The following GLI4 variants were observed in gnomAD, a reference collection of about 807,000 sequenced individuals.
GLI4 encodes zinc finger protein GLI4.
GLI4 carries 34 observed loss-of-function variants against 30.9 expected under a neutral mutation model. The observed-to-expected ratio is 1.10, with a 90% CI of 0.84 to 1.47. The LOEUF (loss-of-function observed/expected upper bound fraction) is 1.47. Ranked by LOEUF, GLI4 falls within the 40% of genes most tolerant of loss-of-function variation. The probability of loss-of-function intolerance (pLI) is 0.00; values close to 1 mark genes in which losing one functional copy is unlikely to be tolerated. For synonymous variants in GLI4, 277 were observed against 236.7 expected (o/e 1.17, Z -1.56); for missense variants, 696 against 538.9 (o/e 1.29, Z -2.89).
At position 143,276,659 on chromosome 8, in the gene GLI4, G is replaced by T; in HGVS notation, c.986G>T (p.Gly329Val). ...GEKPYECSDC[G>V]KAFRGRSHFF... Reference sequence around the variant, plus strand: ...AAGCCCTACGAGTGCTCCGACTGCGGCAAAGCCTTCCGCGGCCGCTCGCAC... The same window carrying T: ...AAGCCCTACGAGTGCTCCGACTGCGTCAAAGCCTTCCGCGGCCGCTCGCAC... Residue 329 changes from glycine to valine, a missense_variant, in exon 4 of 4, where the codon GGC (glycine) becomes GTC (valine). Transcript: ENST00000340042. The T allele has an allele frequency of 6.2e-7, 1 of 1,612,050 alleles. No individual in the cohort carries two copies. Among genetic ancestry groups the T allele is most frequent in the Non-Finnish European group, 8.5e-7 (1 of 1,179,538 alleles).
chr8:143,274,872 C>CT, intron 3 of GLI4, 70 bp downstream of exon 3: 1 of 1,507,610 alleles, frequency 6.6e-7, no homozygotes, highest in South Asian at 1.2e-5. Context: ...CAATGCCCAC[C>CT]TCTGTGGCAC....
chr8:143,275,777 GC>G, intron 3 of GLI4, 119 bp from the exon 4 acceptor site: 1 of 1,239,806 alleles, frequency 8.1e-7, no homozygotes, highest in Non-Finnish European at 1.0e-6. Context: ...TGGGTGCCTG[GC>G]CCCTCCTTGT....
chr8:143,272,520 T>G lies in GLI4; in HGVS notation c.125-2184T>G, dbSNP rs114331263. 2.9e-3 allele frequency: 444 copies of G among 152,488 alleles called. 2 individuals are homozygous for G. The highest frequency in any genetic ancestry group is 0.01 in the African/African-American group (420 of 41,572). The allele number at this position is 152,488 out of a possible 1,614,324, so 9.4% of individuals were successfully genotyped here. ...TCCAGTTCGGGCCACACTGTCCCTG[T>G]GTCACAGCACAGTGGGAGGGCACTG... On this transcript the variant is annotated intron_variant, in intron 2 of 3. Coordinates refer to ENST00000340042, the MANE Select transcript of GLI4 (RefSeq NM_138465.4).
At chr8:143,267,621 G>A (rs922371076) in intron 1 of GLI4, 137 bp downstream of exon 1, 1 of 985,456 alleles carries the variant, frequency 1.0e-6, no homozygotes, top group Non-Finnish European at 1.2e-6. Flanking sequence ...CCGTGACCTT[G>A]GCCTTGGGCC....
chr8:143,274,964 C>G (rs1420895662), intron 3 of GLI4, 162 bp downstream of exon 3: 1 of 1,481,042 alleles, frequency 6.8e-7, no homozygotes. Context: ...GCCCCTCCCC[C>G]ACTCTAATGC....
intron 2 of GLI4, 108 bp from the exon 3 acceptor site, chr8:143,274,596 G>A: frequency 1.8e-6 from 2 of 1,113,128 alleles, no homozygotes; most frequent in Non-Finnish European, 1.2e-6. Flanking sequence ...GGGAGGGCCA[G>A]GAGGTGTCCT....
intron 3 of GLI4, 60 bp from the exon 4 acceptor site, chr8:143,275,837 C>T (rs768338824): frequency 5.7e-5 from 71 of 1,253,908 alleles, no homozygotes; most frequent in Non-Finnish European, 6.2e-5. Context: ...CCGTCCCCGT[C>T]CCTCCGTGCC....
At chr8:143,271,940 C>T (rs1367377553) in intron 2 of GLI4, among the ~76,000 whole-genome samples, 2 of 152,236 alleles carry the variant, frequency 1.3e-5, no homozygotes, top group East Asian at 3.9e-4. Flanking sequence ...CTGTGGTCCC[C>T]ACGGAGATGC....
intron 3 of GLI4, 166 bp downstream of exon 3, chr8:143,274,968 C>G: frequency 1.3e-6 from 2 of 1,485,788 alleles, no homozygotes; most frequent in Non-Finnish European, 1.8e-6. Context: ...CTCCCCCACT[C>G]TAATGCCAGT....
At chr8:143,267,672 A>G (rs1815167385) in intron 1 of GLI4, 188 bp downstream of exon 1, 1 of 985,092 alleles carries the variant, frequency 1.0e-6, no homozygotes. Context: ...GTCGCGGAGC[A>G]GCAGCGGACC....
At chr8:143,269,712 G>A (rs1255191630) in intron 2 of GLI4, among the ~76,000 whole-genome samples, 192 bp downstream of exon 2, 1 of 152,228 alleles carries the variant, frequency 6.6e-6, no homozygotes. Context: ...TTGGGGCAGC[G>A]GTGGTTGAGG....
At chr8:143,270,770 A>ACC (rs138650482) in intron 2 of GLI4, among the ~76,000 whole-genome samples, 7 of 151,824 alleles carry the variant, frequency 4.6e-5, no homozygotes, top group African/African-American at 1.7e-4. Flanking sequence ...ATGCCCTGGC[A>ACC]CCCCCCCAGG....
intron 1 of GLI4, among the ~76,000 whole-genome samples, chr8:143,268,292 T>G (rs1815185047): frequency 6.6e-6 from 1 of 152,212 alleles, no homozygotes; most frequent in South Asian, 2.1e-4. Context: ...TGTTCTTAGA[T>G]CTGAGTATCC....
chr8:143,269,419 A>AGGAG lies in GLI4; in HGVS notation c.24_27dup (p.Ser10GlyfsTer41), dbSNP rs763399463. The stretch of plus-strand genomic sequence containing the variant: ...AAGATGGCAGCCCTAGGGGACATTC[A>AGGAG]GGAGTCCCCTTCTGTCCCGTCCCCT... On this transcript the variant is annotated frameshift_variant, in exon 2 of 4. Transcript: ENST00000340042. LOFTEE classifies it high-confidence loss of function. 6.2e-7 allele frequency: 1 copy of AGGAG among 1,604,106 alleles called. No individual in the cohort carries two copies. Among genetic ancestry groups the AGGAG allele is most frequent in the South Asian group, 1.1e-5 (1 of 90,912 alleles).
At chr8:143,267,545 C>A in intron 1 of GLI4, 61 bp downstream of exon 1, 7 of 985,542 alleles carry the variant, frequency 7.1e-6, no homozygotes, top group Non-Finnish European at 8.4e-6. Context: ...AGTCCGAGCT[C>A]GTGCGCCGTA....
intron 2 of GLI4, among the ~76,000 whole-genome samples, chr8:143,271,323 A>G (rs1481737259): frequency 6.6e-6 from 1 of 152,124 alleles, no homozygotes; most frequent in Non-Finnish European, 1.5e-5. Context: ...AGAGCCAGAT[A>G]AGGGGGCGGC....
intron 1 of GLI4, 53 bp from the exon 2 acceptor site, chr8:143,269,307 C>T (rs1815213297): frequency 2.2e-6 from 3 of 1,377,378 alleles, no homozygotes; most frequent in Non-Finnish European, 3.0e-6. Context: ...CTGCACCATC[C>T]CCCCGACATT....
chr8:143,267,594 C>T, intron 1 of GLI4, 110 bp downstream of exon 1: 1 of 985,434 alleles, frequency 1.0e-6, no homozygotes, highest in Non-Finnish European at 1.2e-6. Context: ...CCGTGCGGCC[C>T]TTGCAGCCGC....
At chr8:143,275,036 G>C in intron 3 of GLI4, 1 of 1,526,858 alleles carries the variant, frequency 6.5e-7, no homozygotes, top group African/African-American at 1.4e-5. Flanking sequence ...TGCGCCAGTG[G>C]CCCCACGTGG....
Sources: allele counts gnomAD v4.1 joint callset (sites outside exome capture counted in the v4.1 genomes callset), GRCh38; gene constraint gnomAD v4.1.1; transcripts MANE v1.5; gene names NCBI Gene and HGNC (gene_info 2026-07-23, HGNC 2026-07-21).